The following PLCL1 variants were observed in gnomAD, a reference collection of about 807,000 sequenced individuals.
The protein encoded by PLCL1 is inactive phospholipase C-like protein 1.
A neutral mutation model predicts 84.4 loss-of-function variants in PLCL1; 41 were observed. The observed-to-expected ratio is 0.49, with a 90% CI of 0.38 to 0.63. PLCL1 has a LOEUF of 0.63. Among genes scored for constraint, PLCL1 ranks in the 30% least tolerant of loss-of-function variants. The pLI, the probability that PLCL1 is intolerant of heterozygous loss-of-function variation, is 0.00. For missense variants in PLCL1, 1,206 were observed against 1,367.8 expected, an observed-to-expected ratio of 0.88 and a Z score of 1.87; for synonymous variants, 490 against 488.3, an observed-to-expected ratio of 1.00 and a Z score of -0.05.
chr2:197,935,373 G>A (rs1202197691), intron 1 of PLCL1, among the ~76,000 whole-genome samples: 1 of 152,142 alleles, frequency 6.6e-6, no homozygotes, highest in Admixed American at 6.5e-5. Flanking sequence ...GCCCATCAGT[G>A]GTAGACTGGA....
intron 1 of PLCL1, among the ~76,000 whole-genome samples, chr2:197,928,484 C>T (rs1559047912): frequency 6.6e-6 from 1 of 152,168 alleles, no homozygotes; most frequent in East Asian, 1.9e-4. Context: ...TCAAGATGCT[C>T]TGAGTGGAAT....
intron 1 of PLCL1, among the ~76,000 whole-genome samples, chr2:197,995,905 G>C (rs768940675): frequency 4.6e-5 from 7 of 152,188 alleles, no homozygotes; most frequent in Non-Finnish European, 7.3e-5. Context: ...CATCTTATGA[G>C]AGTTGAAAGG....
chr2:197,804,702 A>C lies in PLCL1; in HGVS notation c.-398A>C. 1.3e-5 allele frequency: 2 copies of C among 155,758 alleles called. No individual in the cohort carries two copies. The highest frequency in any genetic ancestry group is 1.4e-5 in the Non-Finnish European group (1 of 71,296). The allele number at this position is 155,758 out of a possible 1,614,324, so 9.6% of individuals were successfully genotyped here. On this transcript the variant is annotated 5_prime_UTR_variant, in exon 1 of 6. Coordinates refer to ENST00000428675, the MANE Select transcript of PLCL1 (RefSeq NM_006226.4). ...CCGCAGTCGCCCGGCTCTGGCCCCT[A>C]TCGGGCCGCCGGCGTCCGGGCTCCA...
chr2:198,138,850 G>A (rs1694317977), intron 5 of PLCL1, among the ~76,000 whole-genome samples: 1 of 152,116 alleles, frequency 6.6e-6, no homozygotes, highest in Admixed American at 6.6e-5. Flanking sequence ...GACCTTTGGA[G>A]TACTTTTAAA....
At chr2:198,102,239 G>A (rs765270147) in intron 4 of PLCL1, among the ~76,000 whole-genome samples, 9 of 152,000 alleles carry the variant, frequency 5.9e-5, no homozygotes, top group African/African-American at 9.7e-5. Flanking sequence ...ATGATGCCAG[G>A]CACTGCTCTG....
At chr2:198,040,309 G>A (rs1461984304) in intron 1 of PLCL1, among the ~76,000 whole-genome samples, 2 of 152,144 alleles carry the variant, frequency 1.3e-5, no homozygotes, top group East Asian at 3.8e-4. Flanking sequence ...CAGGACAGAG[G>A]TCTCACAGGG....
chr2:198,124,409 G>C (rs1226479081), intron 5 of PLCL1, among the ~76,000 whole-genome samples: 3 of 152,044 alleles, frequency 2.0e-5, no homozygotes, highest in Non-Finnish European at 4.4e-5. Flanking sequence ...GAAAAGTCTT[G>C]TTAAAATGGG....
At chr2:198,110,846 G>T (rs578254849) in intron 5 of PLCL1, among the ~76,000 whole-genome samples, 74 of 151,812 alleles carry the variant, frequency 4.9e-4, no homozygotes, top group African/African-American at 1.7e-3. Context: ...GGTGTCTCTG[G>T]CATCTGCCAG....
intron 1 of PLCL1, among the ~76,000 whole-genome samples, chr2:197,906,219 A>T (rs1322327867): frequency 6.6e-6 from 1 of 152,022 alleles, no homozygotes; most frequent in Non-Finnish European, 1.5e-5. Flanking sequence ...TAAGTCTTTA[A>T]TCCATCTTGA....
At chr2:197,947,237 A>ATATATAT (rs1689294732) in intron 1 of PLCL1, among the ~76,000 whole-genome samples, 10 of 142,750 alleles carry the variant, frequency 7.0e-5, no homozygotes, top group African/African-American at 2.3e-4. Context: ...TGCTTAGATA[A>ATATATAT]ATATATATAT....
At chr2:198,075,498 G>A (rs1559094506) in intron 1 of PLCL1, among the ~76,000 whole-genome samples, 1 of 152,210 alleles carries the variant, frequency 6.6e-6, no homozygotes, top group Non-Finnish European at 1.5e-5. Flanking sequence ...GTTGACTAGA[G>A]AAATGGAAGT....
Position 198,083,916 on chromosome 2 carries a change from T to G in PLCL1, c.399T>G (p.Arg133=). The change falls in exon 2 of 6, where the codon CGT becomes CGG. Residue 133 remains arginine, a synonymous_variant. Coordinates refer to ENST00000428675, the MANE Select transcript of PLCL1 (RefSeq NM_006226.4). ...KVRPNSRIYN[R]FFTLDTDLQA... ...GGCCAAATTCTCGCATTTACAACCG[T>G]TTTTTCACTCTGGACACAGACCTTC... 1 of 1,614,022 alleles carries G rather than the reference T, an allele frequency of 6.2e-7. No individual in the cohort carries two copies. Among genetic ancestry groups the G allele is most frequent in the Non-Finnish European group, 8.5e-7 (1 of 1,179,978 alleles).
chr2:197,873,063 C>G (rs1275119058), intron 1 of PLCL1, among the ~76,000 whole-genome samples: 1 of 152,130 alleles, frequency 6.6e-6, no homozygotes, highest in Non-Finnish European at 1.5e-5. Context: ...TTACCACACA[C>G]TATGTTATAG....
chr2:198,020,548 C>G (rs1361567945), intron 1 of PLCL1, among the ~76,000 whole-genome samples: 1 of 146,916 alleles, frequency 6.8e-6, no homozygotes, highest in Non-Finnish European at 1.5e-5. Flanking sequence ...GAATATTTAC[C>G]AAGCAAATGG....
chr2:197,868,563 C>T (rs1006349478), intron 1 of PLCL1, among the ~76,000 whole-genome samples: 3 of 152,058 alleles, frequency 2.0e-5, no homozygotes, highest in African/African-American at 7.2e-5. Flanking sequence ...TGCAGTGGCA[C>T]GATCATAGCT....
intron 1 of PLCL1, among the ~76,000 whole-genome samples, chr2:198,000,493 G>A: frequency 6.6e-6 from 1 of 152,176 alleles, no homozygotes; most frequent in Non-Finnish European, 1.5e-5. Flanking sequence ...TGAGTTGAAA[G>A]TTGCAAGAGT....
chr2:197,856,605 G>T (rs1687334319), intron 1 of PLCL1, among the ~76,000 whole-genome samples: 1 of 152,034 alleles, frequency 6.6e-6, no homozygotes, highest in Non-Finnish European at 1.5e-5. Context: ...AGAATCAGTT[G>T]GAATTTTATT....
intron 1 of PLCL1, among the ~76,000 whole-genome samples, chr2:197,930,606 G>A (rs1688912693): frequency 6.6e-6 from 1 of 151,990 alleles, no homozygotes; most frequent in African/African-American, 2.4e-5. Flanking sequence ...GTATGTTTTG[G>A]AAAAATAATG....
intron 5 of PLCL1, among the ~76,000 whole-genome samples, chr2:198,134,671 T>G (rs1394848330): frequency 6.6e-6 from 1 of 152,158 alleles, no homozygotes; most frequent in Non-Finnish European, 1.5e-5. Context: ...ATAAATGTCC[T>G]TGGTAAAAGG....
Sources: gnomAD v4.1 joint callset for allele counts (sites outside exome capture counted in the v4.1 genomes callset) on GRCh38, gnomAD v4.1.1 for gene constraint, MANE v1.5 for transcripts, NCBI Gene and HGNC (gene_info 2026-07-23, HGNC 2026-07-21) for gene names.